The following CNTNAP3B variants were observed in gnomAD, a reference collection of about 807,000 sequenced individuals.
The protein encoded by CNTNAP3B is contactin-associated protein-like 3B.
A neutral mutation model predicts 108.9 loss-of-function variants in CNTNAP3B; 25 were observed. The ratio of observed to expected loss-of-function variants is 0.23; its 90% CI spans 0.17 to 0.32. CNTNAP3B has a LOEUF of 0.32. CNTNAP3B is among the 10% of genes least tolerant of loss of function. The probability of loss-of-function intolerance (pLI) is 1.00; values close to 1 mark genes in which losing one functional copy is unlikely to be tolerated. For missense variants in CNTNAP3B, 252 were observed against 1,210.4 expected (o/e 0.21, Z 11.75); for synonymous variants, 103 against 473.4 (o/e 0.22, Z 10.16).
chr9:42,111,878 G>A (rs1311717762), intron 1 of CNTNAP3B, among the ~76,000 whole-genome samples: 1 of 138,300 alleles, frequency 7.2e-6, no homozygotes, highest in Non-Finnish European at 1.5e-5. Context: ...ACTGTCCCCA[G>A]CCACACACAC....
chr9:41,966,100 G>A, intron 10 of CNTNAP3B, among the ~76,000 whole-genome samples: 1 of 152,292 alleles, frequency 6.6e-6, no homozygotes, highest in Non-Finnish European at 1.5e-5. Flanking sequence ...AGGGGGAGCT[G>A]GAGCGACAGG....
chr9:42,017,005 C>T (rs1432977328), intron 3 of CNTNAP3B, among the ~76,000 whole-genome samples: 1 of 151,848 alleles, frequency 6.6e-6, no homozygotes, highest in Non-Finnish European at 1.5e-5. Flanking sequence ...TCTTTGAGGG[C>T]ATTCTAGCTA....
intron 3 of CNTNAP3B, among the ~76,000 whole-genome samples, chr9:42,035,405 C>T (rs1435233017): frequency 6.8e-6 from 1 of 146,188 alleles, no homozygotes; most frequent in Non-Finnish European, 1.5e-5. Flanking sequence ...GCTGGATTCT[C>T]ACCCAGATCT....
rs566260171 is a variant in CNTNAP3B, at chr9:42,016,748, T to C, written c.391-3223A>G. ...GGAAGCCATAGTCCTTCAAATTCTTTTCTGTCTTAGCAGGCATGTGACCTT... is the reference window on the plus strand; with the variant it reads ...GGAAGCCATAGTCCTTCAAATTCTTCTCTGTCTTAGCAGGCATGTGACCTT... On this transcript the variant is annotated intron_variant, in intron 3 of 23. Coordinates refer to ENST00000377561, the MANE Select transcript of CNTNAP3B (RefSeq NM_001201380.3). 2.6e-5 allele frequency among the ~76,000 whole-genome samples: 4 copies of C among 151,964 alleles called. No homozygotes were observed. The East Asian group carries it at 7.7e-4, about 29-fold the overall frequency.
At chr9:41,943,447 G>T (rs888082317) in intron 13 of CNTNAP3B, among the ~76,000 whole-genome samples, 2 of 151,208 alleles carry the variant, frequency 1.3e-5, no homozygotes, top group African/African-American at 2.4e-5. Context: ...CCGCCTCCTG[G>T]GTTCACGCCA....
chr9:41,927,996 TAAAAG>T (rs1823866530), intron 15 of CNTNAP3B, among the ~76,000 whole-genome samples: 1 of 149,586 alleles, frequency 6.7e-6, no homozygotes, highest in Non-Finnish European at 1.5e-5. Context: ...CATTTTTTCT[TAAAAG>T]AGAACAGAAT....
intron 3 of CNTNAP3B, among the ~76,000 whole-genome samples, chr9:42,032,778 G>A (rs1826544065): frequency 7.3e-6 from 1 of 137,658 alleles, no homozygotes; most frequent in African/African-American, 2.8e-5. Flanking sequence ...CACAGCTCTG[G>A]AGGCTGGGAA....
intron 14 of CNTNAP3B, among the ~76,000 whole-genome samples, chr9:41,937,114 T>TTATTATTA (rs1554739561): frequency 0.036 from 5,002 of 140,430 alleles, 50 homozygotes; most frequent in Non-Finnish European, 0.043. Context: ...TATTTATTAA[T>TTATTATTA]TTATTATTAT....
intron 13 of CNTNAP3B, among the ~76,000 whole-genome samples, chr9:41,941,372 A>T (rs1283257737): frequency 1.4e-5 from 2 of 141,446 alleles, no homozygotes; most frequent in Admixed American, 7.1e-5. Context: ...ACACTCTGCA[A>T]AACTTAAATT....
chr9:42,113,689 G>T (rs1828248365), intron 1 of CNTNAP3B, among the ~76,000 whole-genome samples: 1 of 139,368 alleles, frequency 7.2e-6, no homozygotes, highest in South Asian at 2.3e-4. Context: ...CTTTCCACGG[G>T]TACAAAAAAA....
At chr9:41,995,968 G>C (rs1283577074) in intron 7 of CNTNAP3B, among the ~76,000 whole-genome samples, 3 of 144,516 alleles carry the variant, frequency 2.1e-5, no homozygotes, top group South Asian at 2.2e-4. Context: ...CCTGGGAGGC[G>C]TAAGCTGCAG....
chr9:42,088,752 T>A (rs1827757439), intron 2 of CNTNAP3B, among the ~76,000 whole-genome samples: 1 of 136,704 alleles, frequency 7.3e-6, no homozygotes, highest in African/African-American at 2.9e-5. Context: ...GATAAAAAAT[T>A]TAGTAAACAA....
intron 2 of CNTNAP3B, among the ~76,000 whole-genome samples, chr9:42,081,483 C>A (rs1228079899): frequency 7.3e-6 from 1 of 137,590 alleles, no homozygotes; most frequent in South Asian, 2.3e-4. Flanking sequence ...GCTGAGAATT[C>A]GACCAGATAT....
At position 42,085,994 on chromosome 9, in the gene CNTNAP3B, T is replaced by A. The variant is rs1272769186; in HGVS notation, c.197-8932A>T. 4.9e-5 allele frequency among the ~76,000 whole-genome samples: 7 copies of A among 141,498 alleles called. No homozygotes were observed. In the East Asian group the frequency reaches 1.5e-3, roughly 30 times the overall value. The allele number at this position is 141,498 out of a possible 152,430, so 92.8% of individuals were successfully genotyped here. On this transcript the variant is annotated intron_variant, in intron 2 of 23. Transcript: ENST00000377561. ...TGAGTTGTTTCCAGTTTTTGTCTAC[T>A]GTATTAGTCCATCTTCACACTGCTG...
intron 4 of CNTNAP3B, among the ~76,000 whole-genome samples, chr9:42,004,839 T>A (rs1368837106): frequency 1.8e-5 from 2 of 111,396 alleles, no homozygotes. Context: ...CTGCAATCGA[T>A]GAATACACAA....
rs1159571338 is a variant in CNTNAP3B, at chr9:42,095,158, C to T, written c.196+9471G>A. 2.2e-5 allele frequency among the ~76,000 whole-genome samples: 3 copies of T among 135,628 alleles called. 1 individual carries two copies. Among genetic ancestry groups the T allele is most frequent in the Non-Finnish European group, 4.6e-5 (3 of 64,818 alleles). The allele number at this position is 135,628 out of a possible 152,430, so 89.0% of individuals were successfully genotyped here. Reference sequence around the variant, plus strand: ...CCAAAACTATGTACCTACTGACCAACATCTCCCCCTTCCCTATCCACCTTC... The same window carrying T: ...CCAAAACTATGTACCTACTGACCAATATCTCCCCCTTCCCTATCCACCTTC... On this transcript the variant is annotated intron_variant, in intron 2 of 23. Coordinates refer to ENST00000377561, the MANE Select transcript of CNTNAP3B (RefSeq NM_001201380.3).
intron 11 of CNTNAP3B, among the ~76,000 whole-genome samples, chr9:41,962,263 T>C (rs1825121315): frequency 6.6e-6 from 1 of 152,374 alleles, no homozygotes; most frequent in South Asian, 2.1e-4. Flanking sequence ...TTCAACTAGG[T>C]GTGGCAGTCT....
intron 18 of CNTNAP3B, among the ~76,000 whole-genome samples, chr9:41,919,167 C>T (rs1823599117): frequency 6.6e-6 from 1 of 152,030 alleles, no homozygotes; most frequent in South Asian, 2.1e-4. Flanking sequence ...CGGAGTCTCA[C>T]TCTGTCGCCC....
chr9:41,926,381 G>C (rs1221437494), intron 15 of CNTNAP3B, among the ~76,000 whole-genome samples: 1 of 152,302 alleles, frequency 6.6e-6, no homozygotes, highest in Non-Finnish European at 1.5e-5. Flanking sequence ...TGAAGATAAG[G>C]AAAGGAAAAG....
Sources: gnomAD v4.1 joint callset for allele counts (sites outside exome capture counted in the v4.1 genomes callset) on GRCh38, gnomAD v4.1.1 for gene constraint, MANE v1.5 for transcripts, NCBI Gene and HGNC (gene_info 2026-07-23, HGNC 2026-07-21) for gene names.